NKIRAS1: variants seen among roughly 807,000 people sequenced by gnomAD.
NKIRAS1 encodes NF-kappa-B inhibitor-interacting Ras-like protein 1.
Under a neutral mutation model 19.8 loss-of-function variants are expected in NKIRAS1, and 16 were observed. That is an observed-to-expected ratio of 0.81 (90% CI 0.55 to 1.23). The LOEUF (loss-of-function observed/expected upper bound fraction) is 1.23. Ranked by LOEUF, NKIRAS1 falls within the 50% of genes most tolerant of loss-of-function variation. NKIRAS1 has a pLI of 0.00. For missense variants in NKIRAS1, 184 were observed against 220.0 expected (o/e 0.84, Z 1.04); for synonymous variants, 88 against 79.0 (o/e 1.11, Z -0.61).
intron 3 of NKIRAS1, among the ~76,000 whole-genome samples, chr3:23,906,886 AG>A (rs1342257257): frequency 6.6e-6 from 1 of 151,472 alleles, no homozygotes; most frequent in Admixed American, 6.6e-5. Flanking sequence ...TTTTTAAAGC[AG>A]GTTTTTGTTT....
rs949111833 is a variant in NKIRAS1 at position 23,929,227 on chromosome 3, G to A, written c.-140+17096C>T. ...AAGTACAAAAAAATTAGCAGGGCATGGTGGCAGGCGCCTGTAATCCCAGCT... is the reference window on the plus strand; with the variant it reads ...AAGTACAAAAAAATTAGCAGGGCATAGTGGCAGGCGCCTGTAATCCCAGCT... On this transcript the variant is annotated intron_variant, in intron 1 of 4. Coordinates refer to the NKIRAS1 transcript ENST00000421515. 6.6e-5 allele frequency among the ~76,000 whole-genome samples: 10 copies of A among 150,764 alleles called. No homozygotes were observed. The East Asian group carries it at 2.0e-3, about 30-fold the overall frequency.
At chr3:23,906,646 A>AT (rs11293534) in intron 3 of NKIRAS1, among the ~76,000 whole-genome samples, 2,045 of 141,144 alleles carry the variant, frequency 0.014, 31 homozygotes, top group Non-Finnish European at 0.024. Flanking sequence ...CTTCCTTATG[A>AT]TTTTTTTTTT....
chr3:23,910,795 A>AG lies in NKIRAS1; in HGVS notation c.94+15dup. On this transcript the variant is annotated intron_variant, in intron 3 of 4. Transcript: ENST00000425478. Reference sequence around the variant, plus strand: ...CTCCCAGAACCTAGAGACAAACTAGAGAAAAACAATCTTACCAATAGTATG... The same window carrying AG: ...CTCCCAGAACCTAGAGACAAACTAGAGGAAAAACAATCTTACCAATAGTATG... The AG allele has an allele frequency of 6.3e-7, 1 of 1,590,590 alleles. No individual in the cohort carries two copies. The highest frequency in any genetic ancestry group is 1.1e-5 in the South Asian group (1 of 90,582).
intron 1 of NKIRAS1, among the ~76,000 whole-genome samples, chr3:23,935,729 G>A (rs1264471680): frequency 6.6e-6 from 1 of 152,066 alleles, no homozygotes; most frequent in African/African-American, 2.4e-5. Context: ...CACCTAGCAA[G>A]AAGTAAATTT....
At chr3:23,928,996 CTT>C (rs1705259972) in intron 1 of NKIRAS1, among the ~76,000 whole-genome samples, 1 of 108,512 alleles carries the variant, frequency 9.2e-6, no homozygotes, top group Admixed American at 1.0e-4. Flanking sequence ...GACTCCATCT[CTT>C]TAAAAAAAAA....
intron 1 of NKIRAS1, among the ~76,000 whole-genome samples, chr3:23,925,669 T>C (rs892251470): frequency 6.6e-6 from 1 of 152,128 alleles, no homozygotes; most frequent in African/African-American, 2.4e-5. Flanking sequence ...AATGTACTTT[T>C]ACTCAGTTTT....
rs920763258 is a variant in NKIRAS1 at position 23,890,163 on chromosome 3, G to C, written c.*2932C>G. ...GCTAAGGGTCACATGAACACAGCTGGATGTTCATTGCAGTCTGAAGCCTTG... is the reference window on the plus strand; with the variant it reads ...GCTAAGGGTCACATGAACACAGCTGCATGTTCATTGCAGTCTGAAGCCTTG... On this transcript the variant is annotated 3_prime_UTR_variant, in exon 5 of 5. Coordinates refer to ENST00000425478, the MANE Select transcript of NKIRAS1 (RefSeq NM_020345.4). Among the ~76,000 whole-genome samples, 5 of 152,126 alleles carry C rather than the reference G, an allele frequency of 3.3e-5. No homozygotes were observed. The highest frequency in any genetic ancestry group is 7.3e-5 in the Non-Finnish European group (5 of 68,034).
At chr3:23,909,731 T>C (rs1423235475) in intron 3 of NKIRAS1, among the ~76,000 whole-genome samples, 2 of 152,158 alleles carry the variant, frequency 1.3e-5, no homozygotes, top group Admixed American at 1.3e-4. Flanking sequence ...AAATAATTAT[T>C]TGACTCAGCG....
At chr3:23,898,900 A>G (rs1395575023) in intron 4 of NKIRAS1, among the ~76,000 whole-genome samples, 1 of 152,168 alleles carries the variant, frequency 6.6e-6, no homozygotes, top group African/African-American at 2.4e-5. Context: ...CAGTGGCATG[A>G]GGTTCTCACA....
chr3:23,936,880 C>T (rs930712973), intron 1 of NKIRAS1, among the ~76,000 whole-genome samples: 77 of 151,544 alleles, frequency 5.1e-4, no homozygotes, highest in African/African-American at 1.8e-3. Context: ...AACAAGTTTT[C>T]AGGTGATGCT....
chr3:23,918,210 A>G, upstream of NKIRAS1: 1 of 957,320 alleles, frequency 1.0e-6, no homozygotes. Flanking sequence ...AAGTGTGTCA[A>G]AGGTTACAAA....
At chr3:23,897,753 C>T (rs1702122762) in intron 4 of NKIRAS1, among the ~76,000 whole-genome samples, 1 of 152,122 alleles carries the variant, frequency 6.6e-6, no homozygotes, top group Non-Finnish European at 1.5e-5. Context: ...AAAATAGCAC[C>T]CTCATTCCCC....
At chr3:23,918,778 T>C, upstream of NKIRAS1, 1 of 645,568 alleles carries the variant, frequency 1.5e-6, no homozygotes, top group Non-Finnish European at 2.6e-6. Flanking sequence ...TGGAAGTACT[T>C]GTGGAACCTA....
upstream of NKIRAS1, chr3:23,920,827 T>A (rs1242926842): frequency 2.2e-6 from 2 of 924,826 alleles, no homozygotes; most frequent in Admixed American, 1.2e-4. Context: ...AAGGAATAAA[T>A]GTCTATTAAA....
chr3:23,896,218 C>A (rs369910400), intron 4 of NKIRAS1, among the ~76,000 whole-genome samples: 20 of 152,082 alleles, frequency 1.3e-4, no homozygotes, highest in African/African-American at 3.6e-4. Context: ...ATTTGCTCTG[C>A]CTTAAAACCC....
intron 1 of NKIRAS1, among the ~76,000 whole-genome samples, chr3:23,928,858 G>A (rs1486332521): frequency 1.3e-5 from 2 of 151,768 alleles, no homozygotes; most frequent in Admixed American, 6.6e-5. Flanking sequence ...CAGGTGTGGC[G>A]GTGTGCGCTG....
chr3:23,894,390 G>A (rs917881762), intron 4 of NKIRAS1, among the ~76,000 whole-genome samples: 2 of 152,170 alleles, frequency 1.3e-5, no homozygotes, highest in Admixed American at 6.5e-5. Context: ...AGCTCCCTGT[G>A]CTCCAGTAAG....
chr3:23,899,180 T>C (rs540887822), intron 4 of NKIRAS1, among the ~76,000 whole-genome samples: 2 of 152,196 alleles, frequency 1.3e-5, no homozygotes, highest in African/African-American at 4.8e-5. Context: ...GGGGTGAAGA[T>C]GGGAGGGAAG....
upstream of NKIRAS1, chr3:23,919,597 A>G (rs1704957647): frequency 9.1e-6 from 13 of 1,425,482 alleles, no homozygotes; most frequent in Non-Finnish European, 1.2e-5. Context: ...TAGTCTGCAG[A>G]TGTTTCTTGA....
Sources: gnomAD v4.1 joint callset for allele counts (sites outside exome capture counted in the v4.1 genomes callset) on GRCh38, gnomAD v4.1.1 for gene constraint, MANE v1.5 for transcripts, NCBI Gene and HGNC (gene_info 2026-07-23, HGNC 2026-07-21) for gene names.